PDE1A: variants seen among roughly 807,000 people sequenced by gnomAD.
PDE1A encodes phosphodiesterase 1A.
In PDE1A, 35 loss-of-function variants were observed where a neutral mutation model predicts 61.7. The observed-to-expected ratio is 0.57, with a 90% CI of 0.43 to 0.75. The LOEUF (loss-of-function observed/expected upper bound fraction) is 0.75, where lower values mean the gene tolerates loss of function less well. Ranked by LOEUF, PDE1A falls within the 30% of genes least tolerant of loss-of-function variation. The pLI, the probability that PDE1A is intolerant of heterozygous loss-of-function variation, is 0.00. For missense variants in PDE1A, 597 were observed against 630.6 expected (o/e 0.95, Z 0.57); for synonymous variants, 232 against 213.2 (o/e 1.09, Z -0.77).
At chr2:182,172,571 T>A (rs913610651) in intron 13 of PDE1A, among the ~76,000 whole-genome samples, 12 of 152,020 alleles carry the variant, frequency 7.9e-5, no homozygotes, top group African/African-American at 2.9e-4. Flanking sequence ...CCACCTCCAC[T>A]CTTACTAGAA....
At chr2:182,441,959 C>G (rs1368177739) in intron 2 of PDE1A, among the ~76,000 whole-genome samples, 1 of 151,984 alleles carries the variant, frequency 6.6e-6, no homozygotes, top group Non-Finnish European at 1.5e-5. Context: ...TACTGGAAAA[C>G]ATCAACTGAT....
the PDE1A span, among the ~76,000 whole-genome samples, chr2:182,572,798 G>A: frequency 6.6e-6 from 1 of 151,288 alleles, no homozygotes; most frequent in Non-Finnish European, 1.5e-5. Flanking sequence ...GAACCCGGGA[G>A]GCGGAGCTTG....
At chr2:182,289,099 A>G (rs924715436) in intron 1 of PDE1A, among the ~76,000 whole-genome samples, 2 of 152,056 alleles carry the variant, frequency 1.3e-5, no homozygotes, top group Non-Finnish European at 2.9e-5. Flanking sequence ...TAGAATCTAC[A>G]TGATTCCCGA....
In PDE1A at chr2:182,234,401, T is replaced by G. The variant is rs1207153256; in HGVS notation, c.417+31A>C. On this transcript the variant is annotated intron_variant, in intron 4 of 13. Coordinates refer to ENST00000351439, the Ensembl canonical transcript of PDE1A. ...TAAGAGAATTTTTTAAAATGACCATTTTATACACGAAAATAATGAAATTAT... is the reference window on the plus strand; with the variant it reads ...TAAGAGAATTTTTTAAAATGACCATGTTATACACGAAAATAATGAAATTAT... The G allele has an allele frequency of 8.6e-6, 13 of 1,511,048 alleles. No individual in the cohort carries two copies. In the Admixed American group the frequency reaches 2.3e-4, roughly 27 times the overall value. The allele number at this position is 1,511,048 out of a possible 1,614,324, so 93.6% of individuals were successfully genotyped here. A position where few individuals can be genotyped will look rare whatever the true frequency, so the allele number is the denominator to read the frequency against.
intron 1 of PDE1A, among the ~76,000 whole-genome samples, chr2:182,371,779 T>G (rs1700139403): frequency 6.6e-6 from 1 of 151,928 alleles, no homozygotes; most frequent in Non-Finnish European, 1.5e-5. Context: ...CAAAATGAAT[T>G]AACATTTATT....
intron 1 of PDE1A, among the ~76,000 whole-genome samples, chr2:182,315,248 A>C (rs1696261709): frequency 6.6e-6 from 1 of 152,168 alleles, no homozygotes; most frequent in African/African-American, 2.4e-5. Context: ...TTTCATTAAT[A>C]AGTTTGAAAC....
the PDE1A span, among the ~76,000 whole-genome samples, chr2:182,684,478 C>T: frequency 2.6e-5 from 4 of 152,128 alleles, no homozygotes; most frequent in Non-Finnish European, 5.9e-5. Context: ...AACTGCAAGC[C>T]TTATGTAAGT....
chr2:182,479,859 T>C (rs992779624), intron 2 of PDE1A, among the ~76,000 whole-genome samples: 1 of 151,724 alleles, frequency 6.6e-6, no homozygotes, highest in Non-Finnish European at 1.5e-5. Context: ...GCAGAAGTCA[T>C]TTGATTCTTT....
chr2:182,339,698 A>C (rs1183342766), intron 1 of PDE1A, among the ~76,000 whole-genome samples: 1 of 152,214 alleles, frequency 6.6e-6, no homozygotes, highest in African/African-American at 2.4e-5. Flanking sequence ...TTCAGAGGAA[A>C]TTAAATATTC....
At chr2:182,611,799 A>G in the PDE1A span, among the ~76,000 whole-genome samples, 1 of 152,240 alleles carries the variant, frequency 6.6e-6, no homozygotes, top group Non-Finnish European at 1.5e-5. Context: ...TGCAAAGCAC[A>G]AAAATAAGCA....
chr2:182,542,810 G>C, the PDE1A span, among the ~76,000 whole-genome samples: 1 of 152,088 alleles, frequency 6.6e-6, no homozygotes, highest in Non-Finnish European at 1.5e-5. Flanking sequence ...ATTCACATTT[G>C]TTTTGATTTC....
chr2:182,634,350 T>G, the PDE1A span, among the ~76,000 whole-genome samples: 93,566 of 151,914 alleles, frequency 0.62, 29,066 homozygotes, highest in Admixed American at 0.71. Context: ...TAATGCAGTC[T>G]AGTGTTTCCA....
intron 2 of PDE1A, among the ~76,000 whole-genome samples, chr2:182,484,236 C>A (rs143035103): frequency 0.013 from 1,904 of 151,964 alleles, 26 homozygotes; most frequent in South Asian, 0.044. Flanking sequence ...GGAACACTTC[C>A]CAACTCTTTG....
chr2:182,313,304 C>G (rs1343458849), intron 1 of PDE1A, among the ~76,000 whole-genome samples: 1 of 152,088 alleles, frequency 6.6e-6, no homozygotes, highest in Non-Finnish European at 1.5e-5. Context: ...ATCCCAGCTA[C>G]TCAGGAGGCT....
chr2:182,701,097 C>G, the PDE1A span, among the ~76,000 whole-genome samples: 11 of 151,876 alleles, frequency 7.2e-5, no homozygotes, highest in Non-Finnish European at 7.4e-5. Flanking sequence ...TGCAGTGGCG[C>G]GATCTCAGCT....
chr2:182,574,965 C>G, the PDE1A span, among the ~76,000 whole-genome samples: 1 of 152,232 alleles, frequency 6.6e-6, no homozygotes, highest in South Asian at 2.1e-4. Flanking sequence ...GCTGGAATTA[C>G]AAGCATGAGC....
the PDE1A span, among the ~76,000 whole-genome samples, chr2:182,711,237 G>A: frequency 6.6e-6 from 1 of 152,146 alleles, no homozygotes; most frequent in Admixed American, 6.5e-5. Flanking sequence ...TCCAGTATAA[G>A]GTAGCGGGGC....
At chr2:182,574,758 C>CTCGG in the PDE1A span, among the ~76,000 whole-genome samples, 6 of 152,152 alleles carry the variant, frequency 3.9e-5, no homozygotes, top group African/African-American at 1.4e-4. Flanking sequence ...TTGGCACAAC[C>CTCGG]TCGGCTCACT....
chr2:182,633,623 C>A, the PDE1A span, among the ~76,000 whole-genome samples: 4 of 152,110 alleles, frequency 2.6e-5, no homozygotes, highest in Non-Finnish European at 1.5e-5. Context: ...ACTTCTGGAC[C>A]CACGGCGTTC....
Sources: allele counts gnomAD v4.1 joint callset (sites outside exome capture counted in the v4.1 genomes callset), GRCh38; gene constraint gnomAD v4.1.1; transcripts MANE v1.5; gene names NCBI Gene and HGNC (gene_info 2026-07-23, HGNC 2026-07-21).